The following RNF217 variants were observed in gnomAD, a reference collection of about 807,000 sequenced individuals.
RNF217 encodes the protein E3 ubiquitin-protein ligase RNF217.
RNF217 carries 31 observed loss-of-function variants against 57.8 expected under a neutral mutation model. The ratio of observed to expected loss-of-function variants is 0.54; its 90% CI spans 0.40 to 0.72. RNF217 has a LOEUF of 0.72. Among genes scored for constraint, RNF217 ranks in the 30% least tolerant of loss-of-function variants. The pLI is 0.00. For missense variants in RNF217, 696 were observed against 708.3 expected (o/e 0.98, Z 0.20); for synonymous variants, 313 against 294.0 (o/e 1.06, Z -0.66).
chr6:125,024,219 G>A (rs190196638), intron 1 of RNF217, among the ~76,000 whole-genome samples: 2 of 152,230 alleles, frequency 1.3e-5, no homozygotes, highest in South Asian at 2.1e-4. Flanking sequence ...TGATGGTTGA[G>A]GGAGAGAGGA....
chr6:125,082,346 A>G, intron 5 of RNF217: 10 of 1,194,418 alleles, frequency 8.4e-6, no homozygotes, highest in Non-Finnish European at 1.1e-5. Context: ...TTAGCAAGTA[A>G]TAAATGTGCA....
chr6:125,040,898 C>G (rs1171544184), intron 1 of RNF217, among the ~76,000 whole-genome samples: 1 of 152,088 alleles, frequency 6.6e-6, no homozygotes, highest in Non-Finnish European at 1.5e-5. Flanking sequence ...ATTCAACATT[C>G]CTTCATGTTA....
chr6:124,988,852 C>T (rs2115036121), intron 1 of RNF217, among the ~76,000 whole-genome samples: 1 of 152,250 alleles, frequency 6.6e-6, no homozygotes, highest in Non-Finnish European at 1.5e-5. Context: ...CTCAAATAAA[C>T]AATAACAGTT....
chr6:125,043,389 A>T (rs960672572), intron 1 of RNF217, among the ~76,000 whole-genome samples: 3 of 151,802 alleles, frequency 2.0e-5, no homozygotes, highest in African/African-American at 7.3e-5. Context: ...ACCTCTTCTG[A>T]TCCCCCCAGG....
At position 124,962,974 on chromosome 6, in the gene RNF217, G is replaced by C. The variant is rs1408640365; in HGVS notation, c.430G>C (p.Gly144Arg). Residue 144 changes from glycine to arginine, a missense_variant, in exon 1 of 6, where the codon GGA (glycine) becomes CGA (arginine). This residue lies in a region of RNF217 where 465 missense variants were observed against 386.8 expected (regional missense o/e 1.20). Coordinates refer to ENST00000521654, the MANE Select transcript of RNF217 (RefSeq NM_001286398.3). This position sits in a 1 kb window ranked among gnomAD's most constrained non-coding sequence, Gnocchi z 4.6. The stretch of plus-strand genomic sequence containing the variant: ...CAGGACCCGCGTGGGGGCCGCCGAC[G>C]GACTGGTCCTGGACGTGCTGGGTCA... ...EPRTRVGAAD[G>R]LVLDVLGQRR... is the part of the protein sequence containing the mutation. The C allele has an allele frequency of 6.3e-7, 1 of 1,597,102 alleles. No individual in the cohort carries two copies. Among genetic ancestry groups the C allele is most frequent in the Non-Finnish European group, 8.5e-7 (1 of 1,179,330 alleles).
chr6:124,996,830 C>T (rs1393730764), intron 1 of RNF217, among the ~76,000 whole-genome samples: 1 of 152,118 alleles, frequency 6.6e-6, no homozygotes, highest in Non-Finnish European at 1.5e-5. Flanking sequence ...CTTTATATTA[C>T]TTATCTATTT....
intron 1 of RNF217, among the ~76,000 whole-genome samples, chr6:124,992,577 GA>G (rs1241720306): frequency 6.6e-6 from 1 of 152,140 alleles, no homozygotes; most frequent in Non-Finnish European, 1.5e-5. Flanking sequence ...AGAATAGTGA[GA>G]AGAGGGGAGG....
intron 1 of RNF217, among the ~76,000 whole-genome samples, chr6:125,003,258 G>A (rs9388397): frequency 0.26 from 39,013 of 152,016 alleles, 5,540 homozygotes; most frequent in East Asian, 0.43. Flanking sequence ...GAGGCTGTAT[G>A]GTTGTACAAT....
chr6:124,980,831 A>G (rs902742845), intron 1 of RNF217, among the ~76,000 whole-genome samples: 2 of 152,326 alleles, frequency 1.3e-5, no homozygotes, highest in African/African-American at 2.4e-5. Context: ...ATTACACTCT[A>G]TATTGATCAT....
intron 1 of RNF217, among the ~76,000 whole-genome samples, chr6:125,033,817 TAA>T (rs1396600441): frequency 6.6e-6 from 1 of 152,046 alleles, no homozygotes; most frequent in African/African-American, 2.4e-5. Context: ...ACCAACTGTG[TAA>T]AAGTGTTCCT....
In RNF217 at chr6:125,026,879, T is replaced by G. The variant is rs190557715; in HGVS notation, c.883-18332T>G. 2.2e-3 allele frequency among the ~76,000 whole-genome samples: 328 copies of G among 152,298 alleles called. 2 individuals are homozygous for G. Among genetic ancestry groups the G allele is most frequent in the Middle Eastern group, 6.8e-3 (2 of 292 alleles). On this transcript the variant is annotated intron_variant, in intron 1 of 5. Coordinates refer to ENST00000521654, the MANE Select transcript of RNF217 (RefSeq NM_001286398.3). Reference sequence around the variant, plus strand: ...GTGATATACTAGTTATAGAGTAGTATTATTTTCACATGCAAAGAGTAATTG... The same window carrying G: ...GTGATATACTAGTTATAGAGTAGTAGTATTTTCACATGCAAAGAGTAATTG...
At chr6:125,024,985 T>C (rs1422549059) in intron 1 of RNF217, among the ~76,000 whole-genome samples, 1 of 152,090 alleles carries the variant, frequency 6.6e-6, no homozygotes, top group Non-Finnish European at 1.5e-5. Context: ...CAATCCATTA[T>C]AAATGCAACC....
At chr6:124,988,284 C>T (rs537933066) in intron 1 of RNF217, among the ~76,000 whole-genome samples, 6 of 152,212 alleles carry the variant, frequency 3.9e-5, no homozygotes, top group African/African-American at 1.4e-4. Context: ...GGTTGGGGAC[C>T]ACTGCATTAA....
At chr6:124,994,402 A>G (rs1165023413) in intron 1 of RNF217, among the ~76,000 whole-genome samples, 1 of 152,194 alleles carries the variant, frequency 6.6e-6, no homozygotes, top group Non-Finnish European at 1.5e-5. Flanking sequence ...GAACGGAGAC[A>G]TAATTACACC....
chr6:125,008,982 G>A (rs36026279), intron 1 of RNF217: 21 of 265,406 alleles, frequency 7.9e-5, no homozygotes, highest in Non-Finnish European at 1.3e-4. Context: ...TGTTTCCCCT[G>A]GTTTAATGGT....
At chr6:125,030,000 C>T (rs1200203975) in intron 1 of RNF217, among the ~76,000 whole-genome samples, 4 of 152,176 alleles carry the variant, frequency 2.6e-5, no homozygotes, top group South Asian at 2.1e-4. Context: ...AAGAGTTACA[C>T]GTGGCTGGGG....
intron 1 of RNF217, among the ~76,000 whole-genome samples, chr6:125,030,053 TG>T (rs1786285720): frequency 2.0e-5 from 3 of 152,126 alleles, no homozygotes; most frequent in African/African-American, 7.2e-5. Context: ...ATTTCTTACA[TG>T]GCAGCAGCAA....
intron 4 of RNF217, among the ~76,000 whole-genome samples, chr6:125,078,846 G>A (rs1056585859): frequency 3.3e-5 from 5 of 152,088 alleles, no homozygotes; most frequent in African/African-American, 4.8e-5. Context: ...CTTAACTGCT[G>A]TTGGACCATA....
intron 5 of RNF217, chr6:125,082,304 A>C: frequency 1.2e-6 from 1 of 802,256 alleles, no homozygotes; most frequent in African/African-American, 1.8e-5. Flanking sequence ...TTTTTTTGCT[A>C]AATAAAATGA....
Sources: allele counts gnomAD v4.1 joint callset (sites outside exome capture counted in the v4.1 genomes callset), GRCh38; gene constraint gnomAD v4.1.1; regional missense constraint gnomAD v4.1.1; non-coding constraint Gnocchi (gnomAD v3.1); transcripts MANE v1.5; gene names NCBI Gene and HGNC (gene_info 2026-07-23, HGNC 2026-07-21).